The following HAL variants were observed in gnomAD, a reference collection of about 807,000 sequenced individuals.
HAL encodes histidine ammonia-lyase, also known as histidase.
A neutral mutation model predicts 81.1 loss-of-function variants in HAL; 85 were observed. That is an observed-to-expected ratio of 1.05 (90% confidence interval 0.88 to 1.25). The LOEUF (loss-of-function observed/expected upper bound fraction) is 1.25. Ranked by LOEUF, HAL falls within the 50% of genes most tolerant of loss-of-function variation. HAL has a pLI of 0.00. For synonymous variants in HAL, 301 were observed against 309.2 expected, an observed-to-expected ratio of 0.97 and a Z score of 0.28; for missense variants, 798 against 836.6, an observed-to-expected ratio of 0.95 and a Z score of 0.57.
Position 95,993,321 on chromosome 12 carries a change from G to A in HAL, c.589+130C>T, listed in dbSNP as rs80111139. ...TTCTTTCTGCATCCCTTCTCACCTC[G>A]GCACCTAGTTCTTGAAATGCTGTTT... On this transcript the variant is annotated intron_variant, in intron 8 of 20. Coordinates refer to ENST00000261208, the MANE Select transcript of HAL (RefSeq NM_002108.4). 3.2e-3 allele frequency: 2,434 copies of A among 756,126 alleles called. 33 individuals are homozygous for A. The African/African-American group carries it at 0.033, about 10-fold the overall frequency. 46.8% of individuals were successfully genotyped at this position (756,126 alleles called of 1,614,324 possible). A position where few individuals can be genotyped will look rare whatever the true frequency, so the allele number is the denominator to read the frequency against.
At chr12:95,989,330 T>C (rs1478487879) in intron 10 of HAL, among the ~76,000 whole-genome samples, 1 of 152,210 alleles carries the variant, frequency 6.6e-6, no homozygotes, top group Non-Finnish European at 1.5e-5. Context: ...AGGCACATGC[T>C]ACTGTGCCAG....
chr12:95,995,757 G>A lies in HAL; in HGVS notation c.154C>T (p.His52Tyr). The A allele has an allele frequency of 6.2e-7, 1 of 1,613,766 alleles. No individual in the cohort carries two copies. Among genetic ancestry groups the A allele is most frequent in the Admixed American group, 1.7e-5 (1 of 60,036 alleles). Reference sequence around the variant, plus strand: ...CCCTTGCACCGGCGCACAAGGAAGTGCGCGTCATCCACGGAGGTGAAGCCA... The same window carrying A: ...CCCTTGCACCGGCGCACAAGGAAGTACGCGTCATCCACGGAGGTGAAGCCA... ...NGGFTSVDDA[H>Y]FLVRRCKGLG... is the part of the protein sequence containing the mutation. Residue 52 changes from histidine to tyrosine, a missense_variant, in exon 2 of 21, where the codon CAC (histidine) becomes TAC (tyrosine). By Grantham distance (83) the His-to-Tyr change is moderately conservative. Coordinates refer to ENST00000261208, the MANE Select transcript of HAL (RefSeq NM_002108.4).
At chr12:95,985,513 C>T (rs1949870822) in intron 14 of HAL, among the ~76,000 whole-genome samples, 1 of 151,216 alleles carries the variant, frequency 6.6e-6, no homozygotes. Context: ...TCACTTGAAC[C>T]TGGGAGGTGA....
intron 20 of HAL, chr12:95,976,125 G>A: frequency 2.5e-6 from 1 of 407,236 alleles, no homozygotes; most frequent in Non-Finnish European, 4.6e-6. Context: ...ACATCTTGCA[G>A]GGGTGGGGAG....
At chr12:95,995,540 A>T in intron 2 of HAL, 124 bp downstream of exon 2, 1 of 1,354,770 alleles carries the variant, frequency 7.4e-7, no homozygotes. Flanking sequence ...ATGTGCCTGC[A>T]CAGGGCCAGC....
Position 95,993,754 on chromosome 12 carries a change from T to C in HAL, c.551+18A>G, listed in dbSNP as rs758767746. 2.2e-6 allele frequency: 3 copies of C among 1,365,888 alleles called. No homozygotes were observed. Among genetic ancestry groups the C allele is most frequent in the East Asian group, 2.3e-5 (1 of 43,792 alleles). The allele number at this position is 1,365,888 out of a possible 1,614,324, so 84.6% of individuals were successfully genotyped here. ...TGAGGGTAGGTGGAACGTGAACATA[T>C]GTGTGTTTTAAACTTACTGTAGCTT... On this transcript the variant is annotated intron_variant, in intron 7 of 20. Coordinates refer to ENST00000261208, the MANE Select transcript of HAL (RefSeq NM_002108.4).
chr12:95,996,099 T>C lies in HAL; in HGVS notation c.-103A>G. 1 of 637,882 alleles carries C rather than the reference T, an allele frequency of 1.6e-6. No individual in the cohort carries two copies. The highest frequency in any genetic ancestry group is 2.8e-6 in the Non-Finnish European group (1 of 357,740). The allele number at this position is 637,882 out of a possible 1,614,324, so 39.5% of individuals were successfully genotyped here. ...GTACCTGCTGTCCCTTTGGTTTTTG[T>C]AGCCGAGCAGGGGCAGGAGCAGGGG... On this transcript the variant is annotated 5_prime_UTR_variant, in exon 1 of 21. Coordinates refer to ENST00000261208, the MANE Select transcript of HAL (RefSeq NM_002108.4).
intron 14 of HAL, 106 bp downstream of exon 14, chr12:95,985,802 A>C (rs1281658405): frequency 2.7e-6 from 2 of 746,810 alleles, no homozygotes; most frequent in African/African-American, 3.5e-5. Flanking sequence ...TGACCATTAC[A>C]TGTTTTTCTA....
chr12:95,976,643 G>A lies in HAL; in HGVS notation c.1718C>T (p.Thr573Ile), dbSNP rs2080723591. 6.2e-7 allele frequency: 1 copy of A among 1,613,052 alleles called. No individual in the cohort carries two copies. The highest frequency in any genetic ancestry group is 1.1e-5 in the South Asian group (1 of 91,070). ...GTCATAGACCTTCTCCAGCGGAGTG[G>A]TTGTTTTCAGGGGACGTAGAAACTC... ...GIEFLRPLKTTTPLEKVYDLV... is the reference protein window; with the variant it reads ...GIEFLRPLKTITPLEKVYDLV... Residue 573 changes from threonine to isoleucine, a missense_variant, in exon 19 of 21, where the codon ACC becomes ATC. Transcript: ENST00000261208.
chr12:95,986,242 A>C, intron 12 of HAL, 82 bp from the exon 13 acceptor site: 1 of 863,994 alleles, frequency 1.2e-6, no homozygotes, highest in Non-Finnish European at 1.9e-6. Context: ...TACGTTCCCC[A>C]GGCTGGTTTC....
chr12:95,976,380 T>A, intron 20 of HAL, 49 bp downstream of exon 20: 1 of 1,468,692 alleles, frequency 6.8e-7, no homozygotes, highest in Non-Finnish European at 9.5e-7. Flanking sequence ...CCGACTTTGC[T>A]TTCCTGTAAC....
chr12:95,992,238 G>A (rs1949978740), intron 9 of HAL, among the ~76,000 whole-genome samples: 1 of 152,228 alleles, frequency 6.6e-6, no homozygotes, highest in Admixed American at 6.5e-5. Flanking sequence ...TTGGATTTTA[G>A]TGTGCAAGTC....
chr12:95,985,188 T>A (rs1372984319), intron 14 of HAL, among the ~76,000 whole-genome samples: 2 of 152,184 alleles, frequency 1.3e-5, no homozygotes, highest in East Asian at 3.8e-4. Flanking sequence ...TGTAAACACC[T>A]CTGACTATCT....
intron 17 of HAL, 123 bp downstream of exon 17, chr12:95,980,433 G>T: frequency 1.1e-6 from 1 of 878,336 alleles, no homozygotes; most frequent in Non-Finnish European, 1.9e-6. Flanking sequence ...AGAGAACTAG[G>T]ATGCAGATAA....
At chr12:95,983,248 C>G (rs918636879) in intron 15 of HAL, among the ~76,000 whole-genome samples, 1 of 152,080 alleles carries the variant, frequency 6.6e-6, no homozygotes, top group Non-Finnish European at 1.5e-5. Flanking sequence ...ATTAGCCAGG[C>G]CTGCTGGCAC....
intron 18 of HAL, 26 bp downstream of exon 18, chr12:95,977,918 C>G: frequency 6.2e-7 from 1 of 1,613,338 alleles, no homozygotes. Context: ...CAGGCAGGCC[C>G]GCCACCCCGA....
chr12:95,993,063 C>T (rs1436503118), intron 8 of HAL, among the ~76,000 whole-genome samples: 1 of 152,196 alleles, frequency 6.6e-6, no homozygotes, highest in Non-Finnish European at 1.5e-5. Flanking sequence ...CCTGACCTCC[C>T]ACTCACCTTT....
intron 3 of HAL, 46 bp from the exon 4 acceptor site, chr12:95,994,871 C>T: frequency 6.2e-7 from 1 of 1,611,454 alleles, no homozygotes; most frequent in Non-Finnish European, 8.5e-7. Context: ...GAAAAACCCC[C>T]AGCCCCACCA....
At chr12:95,991,598 AAAATC>A (rs1476640688) in intron 9 of HAL, among the ~76,000 whole-genome samples, 2 of 152,230 alleles carry the variant, frequency 1.3e-5, no homozygotes, top group African/African-American at 2.4e-5. Flanking sequence ...TTTCTGAAAT[AAAATC>A]AGATTCCTGA....
Sources: allele counts gnomAD v4.1 joint callset (sites outside exome capture counted in the v4.1 genomes callset), GRCh38; gene constraint gnomAD v4.1.1; transcripts MANE v1.5; gene names NCBI Gene and HGNC (gene_info 2026-07-23, HGNC 2026-07-21).